Variants in NRXN3 observed in about 807,000 individuals in gnomAD.
NRXN3 encodes neurexin 3.
A neutral mutation model predicts 137.6 loss-of-function variants in NRXN3; 32 were observed. That is an observed-to-expected ratio of 0.23 (90% confidence interval 0.18 to 0.31). The LOEUF is 0.31. Ranked by LOEUF, NRXN3 falls within the 10% of genes least tolerant of loss-of-function variation. The probability of loss-of-function intolerance (pLI) is 1.00; values close to 1 mark genes in which losing one functional copy is unlikely to be tolerated. For missense variants in NRXN3, 1,574 were observed against 2,062.5 expected (o/e 0.76, Z 4.59); for synonymous variants, 798 against 784.5 (o/e 1.02, Z -0.29).
intron 6 of NRXN3, among the ~76,000 whole-genome samples, chr14:78,701,945 G>A (rs1172633793): frequency 6.6e-6 from 1 of 152,202 alleles, no homozygotes; most frequent in Non-Finnish European, 1.5e-5. Context: ...CGATGCAGCA[G>A]TTGGGACTAT....
chr14:79,440,618 A>G, intron 15 of NRXN3, among the ~76,000 whole-genome samples: 1 of 152,208 alleles, frequency 6.6e-6, no homozygotes, highest in East Asian at 1.9e-4. Context: ...CTGTAACTCT[A>G]GAACTTCACC....
In NRXN3 at chr14:78,877,478, A is replaced by G. The variant is rs2099116612; in HGVS notation, c.2275+67134A>G. Reference sequence around the variant, plus strand: ...CAGTTGATCTTCCTTGGAATTCAAAATACATACTGCCTTGTAGAGCAGTGA... The same window carrying G: ...CAGTTGATCTTCCTTGGAATTCAAAGTACATACTGCCTTGTAGAGCAGTGA... On this transcript the variant is annotated intron_variant, in intron 10 of 20. Transcript: ENST00000335750. 2.6e-5 allele frequency among the ~76,000 whole-genome samples: 4 copies of G among 152,114 alleles called. No homozygotes were observed. In the South Asian group the frequency reaches 6.2e-4, roughly 24 times the overall value.
At chr14:79,520,483 C>G (rs1026249646) in intron 16 of NRXN3, among the ~76,000 whole-genome samples, 3 of 152,080 alleles carry the variant, frequency 2.0e-5, no homozygotes, top group Admixed American at 2.0e-4. Flanking sequence ...GTATGATGTT[C>G]CCCTCCCTGT....
At chr14:79,637,180 G>T (rs116573068) in intron 16 of NRXN3, among the ~76,000 whole-genome samples, 4,452 of 152,180 alleles carry the variant, frequency 0.029, 222 homozygotes, top group African/African-American at 0.1. Context: ...CTGTAAAATG[G>T]ATATTATAAT....
At chr14:78,173,766 C>G (rs12885580) in intron 1 of NRXN3, among the ~76,000 whole-genome samples, 31,046 of 131,186 alleles carry the variant, frequency 0.24, 4,323 homozygotes, top group Middle Eastern at 0.32. Flanking sequence ...ACATGCCACA[C>G]GGATGCAGCC....
chr14:78,469,110 C>T (rs913376475), intron 4 of NRXN3, among the ~76,000 whole-genome samples: 4 of 152,062 alleles, frequency 2.6e-5, no homozygotes, highest in Non-Finnish European at 5.9e-5. Flanking sequence ...GCCTAAAGAG[C>T]TTTTAAAATT....
chr14:78,651,065 C>T, intron 5 of NRXN3, 100 bp from the exon 6 acceptor site: 1 of 1,118,846 alleles, frequency 8.9e-7, no homozygotes. Flanking sequence ...TCATGAAAAT[C>T]TTAATGAAAG....
At chr14:78,974,206 T>C (rs1168694285) in intron 14 of NRXN3, among the ~76,000 whole-genome samples, 2 of 152,208 alleles carry the variant, frequency 1.3e-5, no homozygotes, top group Non-Finnish European at 2.9e-5. Context: ...ATCCACTATG[T>C]ATTTCTCTGT....
chr14:79,142,072 G>A (rs2058838574), intron 15 of NRXN3, among the ~76,000 whole-genome samples: 2 of 152,134 alleles, frequency 1.3e-5, no homozygotes, highest in Admixed American at 6.6e-5. Context: ...TTCACGGAAA[G>A]CCCCCAAGTG....
chr14:79,084,992 C>A (rs574740465), intron 15 of NRXN3, among the ~76,000 whole-genome samples: 23 of 152,160 alleles, frequency 1.5e-4, no homozygotes, highest in African/African-American at 5.3e-4. Context: ...GCTGACGAGA[C>A]GTTTTATTTG....
chr14:78,828,839 A>G (rs1368134563), intron 10 of NRXN3, among the ~76,000 whole-genome samples: 1 of 152,212 alleles, frequency 6.6e-6, no homozygotes, highest in East Asian at 1.9e-4. Context: ...ATAAAGACTT[A>G]AGTGAGTTCA....
chr14:78,921,361 A>C (rs1413657814), intron 10 of NRXN3, among the ~76,000 whole-genome samples: 1 of 152,254 alleles, frequency 6.6e-6, no homozygotes, highest in African/African-American at 2.4e-5. Flanking sequence ...AATGAAGATC[A>C]GTCTAGAGAA....
intron 15 of NRXN3, among the ~76,000 whole-genome samples, chr14:79,457,047 T>TAAA (rs879869277): frequency 7.5e-6 from 1 of 132,476 alleles, no homozygotes; most frequent in Non-Finnish European, 1.6e-5. Context: ...GTTCCAGGTT[T>TAAA]AAAAAAAAAA....
chr14:78,709,444 G>C lies in NRXN3; in HGVS notation c.1449G>C (p.Leu483=), dbSNP rs1679806944. 3 of 1,614,134 alleles carry C rather than the reference G, an allele frequency of 1.9e-6. No individual in the cohort carries two copies. In the African/African-American group the frequency reaches 4.0e-5, roughly 22 times the overall value. Residue 483 remains leucine, a synonymous_variant, in exon 7 of 21, where the codon CTG becomes CTC. Transcript: ENST00000335750. ...TCCGCACCACAGAGCCCAATGGCCTGATCCTCTTCACTCATGGAAAGCCCC... is the reference window on the plus strand; with the variant it reads ...TCCGCACCACAGAGCCCAATGGCCTCATCCTCTTCACTCATGGAAAGCCCC... ...FDFRTTEPNG[L]ILFTHGKPQE...
chr14:79,701,355 G>A (rs1161475994), intron 19 of NRXN3, among the ~76,000 whole-genome samples: 1 of 151,908 alleles, frequency 6.6e-6, no homozygotes, highest in African/African-American at 2.4e-5. Context: ...CAGAAATTTG[G>A]GCACAGTTCA....
At chr14:79,137,995 T>C (rs764544675) in intron 15 of NRXN3, among the ~76,000 whole-genome samples, 1 of 152,118 alleles carries the variant, frequency 6.6e-6, no homozygotes, top group African/African-American at 2.4e-5. Context: ...CTGAATCCTT[T>C]TGTAGAAAGC....
intron 10 of NRXN3, among the ~76,000 whole-genome samples, chr14:78,850,944 G>T (rs116079480): frequency 4.1e-4 from 62 of 152,264 alleles, no homozygotes; most frequent in Non-Finnish European, 6.8e-4. Flanking sequence ...GTTCTTAAGC[G>T]GTTGTAGGTT....
intron 20 of NRXN3, among the ~76,000 whole-genome samples, chr14:79,823,184 C>T (rs1255563330): frequency 3.9e-5 from 6 of 152,010 alleles, no homozygotes; most frequent in Admixed American, 2.0e-4. Flanking sequence ...TCTTTTTTGT[C>T]TCTTGGGTAA....
At chr14:79,406,856 G>T (rs1054218526) in intron 15 of NRXN3, among the ~76,000 whole-genome samples, 5 of 152,234 alleles carry the variant, frequency 3.3e-5, no homozygotes, top group African/African-American at 1.2e-4. Context: ...ATAAGTATTT[G>T]CTATCAATAA....
Sources: allele counts gnomAD v4.1 joint callset (sites outside exome capture counted in the v4.1 genomes callset), GRCh38; gene constraint gnomAD v4.1.1; transcripts MANE v1.5; gene names NCBI Gene and HGNC (gene_info 2026-07-23, HGNC 2026-07-21).